Variants in DEPDC4 observed in about 807,000 individuals in gnomAD.
DEPDC4 encodes DEP domain containing 4.
DEPDC4 carries 52 observed loss-of-function variants against 52.0 expected under a neutral mutation model. The observed-to-expected ratio is 1.00, with a 90% CI of 0.80 to 1.26. The LOEUF (loss-of-function observed/expected upper bound fraction) is 1.26. DEPDC4 is among the 50% of genes most tolerant of loss of function. The probability of loss-of-function intolerance (pLI) is 0.00; values close to 1 mark genes in which losing one functional copy is unlikely to be tolerated. For missense variants in DEPDC4, 530 were observed against 546.9 expected, an observed-to-expected ratio of 0.97 and a Z score of 0.31; for synonymous variants, 201 against 196.8, an observed-to-expected ratio of 1.02 and a Z score of -0.18.
chr12:100,239,065 A>G (rs187549080), downstream of DEPDC4, among the ~76,000 whole-genome samples: 151 of 152,186 alleles, frequency 9.9e-4, no homozygotes, highest in African/African-American at 3.6e-3. Flanking sequence ...ACAGACTCTT[A>G]GTTGAGAATT....
downstream of DEPDC4, among the ~76,000 whole-genome samples, chr12:100,236,056 T>C (rs780049323): frequency 6.6e-6 from 1 of 152,092 alleles, no homozygotes; most frequent in Non-Finnish European, 1.5e-5. Context: ...TATTCCATTG[T>C]ATGCATATAC....
the DEPDC4 span, among the ~76,000 whole-genome samples, chr12:100,273,361 G>A: frequency 2.0e-5 from 3 of 152,064 alleles, no homozygotes; most frequent in Admixed American, 6.6e-5. Context: ...ATAACACTGT[G>A]CATGTATATT....
chr12:100,232,130 G>A (rs139349382), intron 9 of DEPDC4, among the ~76,000 whole-genome samples: 2,857 of 152,236 alleles, frequency 0.019, 49 homozygotes, highest in Non-Finnish European at 0.028. Context: ...AGTTGCTCAC[G>A]CCTGTAATCC....
chr12:100,253,751 T>C, intron 4 of DEPDC4, 36 bp from the exon 5 acceptor site: 1 of 1,136,374 alleles, frequency 8.8e-7, no homozygotes. Flanking sequence ...AAAGCAATGG[T>C]TAACATTTCC....
intron 3 of DEPDC4, among the ~76,000 whole-genome samples, chr12:100,260,769 G>A (rs1463029553): frequency 6.6e-6 from 1 of 151,976 alleles, no homozygotes; most frequent in Admixed American, 6.6e-5. Flanking sequence ...GGTGGCACAC[G>A]CCTATAGTTC....
At chr12:100,277,511 CTTCT>C in the DEPDC4 span, among the ~76,000 whole-genome samples, 1 of 152,152 alleles carries the variant, frequency 6.6e-6, no homozygotes, top group African/African-American at 2.4e-5. Flanking sequence ...TACAAAATGA[CTTCT>C]TTGTCTTCAA....
Position 100,241,382 on chromosome 12 carries a change from A to T in DEPDC4, c.*510T>A, listed in dbSNP as rs1744768722. Among the ~76,000 whole-genome samples the T allele has an allele frequency of 6.6e-6, 1 of 152,144 alleles. No homozygotes were observed. Among genetic ancestry groups the T allele is most frequent in the South Asian group, 2.1e-4 (1 of 4,832 alleles). On this transcript the variant is annotated 3_prime_UTR_variant, in exon 10 of 10. Coordinates refer to ENST00000550587, the MANE Select transcript of DEPDC4 (RefSeq NM_001364818.2). ...CCTTAACATATTTTAAGCATGATTA[A>T]ATTAAAAGTAATATTTTATAAAAAT...
At chr12:100,265,291 C>T (rs1430843082) in intron 1 of DEPDC4, among the ~76,000 whole-genome samples, 1 of 149,500 alleles carries the variant, frequency 6.7e-6, no homozygotes, top group Non-Finnish European at 1.5e-5. Flanking sequence ...GAGACCCTGT[C>T]TCAATTAGAA....
the DEPDC4 span, among the ~76,000 whole-genome samples, chr12:100,276,733 A>G: frequency 1.3e-5 from 2 of 151,018 alleles, no homozygotes. Flanking sequence ...CCTCTTTTTC[A>G]TTTCTCTATT....
intron 3 of DEPDC4, chr12:100,257,856 C>T (rs1413963638): frequency 6.6e-6 from 1 of 152,176 alleles, no homozygotes; most frequent in Non-Finnish European, 1.5e-5. Context: ...GCAGAGCTCC[C>T]AAGCCAGTGG....
At chr12:100,231,750 G>T (rs2096135198) in intron 9 of DEPDC4, among the ~76,000 whole-genome samples, 2 of 152,078 alleles carry the variant, frequency 1.3e-5, no homozygotes, top group East Asian at 3.9e-4. Context: ...TGCACTTTAA[G>T]AATTAGGAAA....
chr12:100,238,181 CTTT>C (rs752302093), downstream of DEPDC4: 30 of 296,576 alleles, frequency 1.0e-4, no homozygotes, highest in South Asian at 1.3e-4. Flanking sequence ...AATTGGGTTG[CTTT>C]TTTTTTTTTT....
Position 100,240,294 on chromosome 12 carries a change from ATAGGTGTGGGCTGCCACACCTGGC to A in DEPDC4, c.*1574_*1597del, listed in dbSNP as rs1191027149. Among the ~76,000 whole-genome samples the A allele has an allele frequency of 6.6e-6, 1 of 152,112 alleles. No individual in the cohort carries two copies. Among genetic ancestry groups the A allele is most frequent in the Non-Finnish European group, 1.5e-5 (1 of 68,018 alleles). ...CTCAGCCTCCTGAGTAGCTGGGACT[ATAGGTGTGGGCTGCCACACCTGGC>A]TAAATTTTTTTTTTGTAGTTTTTGT... On this transcript the variant is annotated 3_prime_UTR_variant, in exon 10 of 10. Transcript: ENST00000550587.
In DEPDC4 at chr12:100,241,811, C is replaced by T; in HGVS notation, c.*81G>A. 8.0e-7 allele frequency: 1 copy of T among 1,243,986 alleles called. No homozygotes were observed. The allele number at this position is 1,243,986 out of a possible 1,614,324, so 77.1% of individuals were successfully genotyped here. On this transcript the variant is annotated 3_prime_UTR_variant, in exon 10 of 10. Transcript: ENST00000550587. ...TTGTCCTTCCCTTCTGCTTTTCAAA[C>T]TCCTTGTATGTCAAGGGTTGGCAAA...
upstream of DEPDC4, among the ~76,000 whole-genome samples, chr12:100,271,521 C>G (rs929595509): frequency 6.6e-6 from 1 of 152,150 alleles, no homozygotes; most frequent in Non-Finnish European, 1.5e-5. Flanking sequence ...ACATACAAAT[C>G]TCAGACCTTT....
chr12:100,261,475 T>C (rs1190874821), intron 3 of DEPDC4, among the ~76,000 whole-genome samples: 1 of 152,136 alleles, frequency 6.6e-6, no homozygotes, highest in Non-Finnish European at 1.5e-5. Flanking sequence ...AAGTAAATAG[T>C]AAAGAGGAGT....
upstream of DEPDC4, chr12:100,267,932 A>G: frequency 6.6e-6 from 1 of 152,344 alleles, no homozygotes; most frequent in Non-Finnish European, 1.5e-5. Flanking sequence ...TGGGTGGGGC[A>G]GGGGTTTTGT....
intron 3 of DEPDC4, among the ~76,000 whole-genome samples, chr12:100,259,081 A>AAAATAT (rs543577636): frequency 6.7e-6 from 1 of 149,090 alleles, no homozygotes; most frequent in African/African-American, 2.5e-5. Flanking sequence ...AAAAAAAAAA[A>AAAATAT]ATATATATAT....
At chr12:100,262,909 C>T (rs2096258677) in intron 2 of DEPDC4, among the ~76,000 whole-genome samples, 2 of 152,190 alleles carry the variant, frequency 1.3e-5, no homozygotes, top group South Asian at 4.1e-4. Context: ...GCAACAGATG[C>T]TGCTATATTG....
Sources: allele counts gnomAD v4.1 joint callset (sites outside exome capture counted in the v4.1 genomes callset), GRCh38; gene constraint gnomAD v4.1.1; transcripts MANE v1.5; gene names NCBI Gene and HGNC (gene_info 2026-07-23, HGNC 2026-07-21).